Variants in ERICH1 observed in about 807,000 individuals in gnomAD.
The protein encoded by ERICH1 is glutamate rich 1, also known as glutamate-rich protein 1.
Under a neutral mutation model 39.6 loss-of-function variants are expected in ERICH1, and 56 were observed. The observed-to-expected ratio is 1.41, with a 90% CI of 1.14 to 1.77. ERICH1 has a LOEUF of 1.77. Among genes scored for constraint, ERICH1 ranks in the 40% most tolerant of loss-of-function variants. The probability of loss-of-function intolerance (pLI) is 0.00; values close to 1 mark genes in which losing one functional copy is unlikely to be tolerated. For missense variants in ERICH1, 826 were observed against 575.4 expected (o/e 1.44, Z -4.45); for synonymous variants, 313 against 223.6 (o/e 1.40, Z -3.57).
chr8:674,646 T>C (rs1804254490), intron 3 of ERICH1, among the ~76,000 whole-genome samples: 1 of 152,218 alleles, frequency 6.6e-6, no homozygotes, highest in Non-Finnish European at 1.5e-5. Context: ...CTATGGGCCT[T>C]TCCCTCTATG....
chr8:638,584 G>A (rs903901310), intron 3 of ERICH1, among the ~76,000 whole-genome samples: 1 of 152,132 alleles, frequency 6.6e-6, no homozygotes, highest in Non-Finnish European at 1.5e-5. Context: ...GCAGGATCTC[G>A]CTTAAATACA....
intron 2 of ERICH1, among the ~76,000 whole-genome samples, chr8:698,202 A>G (rs1375654546): frequency 2.7e-5 from 4 of 148,188 alleles, no homozygotes; most frequent in African/African-American, 7.4e-5. Flanking sequence ...CAGAAAGGCC[A>G]TCCTAAATCA....
In ERICH1 at chr8:647,928, C is replaced by T. The variant is rs1193228070; in HGVS notation, c.976+20670G>A. ...GCTGAAGTTACATGGCTGTGTGCGC[C>T]TGCAAGTTAAAACTCACTGCATCAG... On this transcript the variant is annotated intron_variant, in intron 3 of 3. Coordinates refer to the ERICH1 transcript ENST00000522706. 2.5e-4 allele frequency among the ~76,000 whole-genome samples: 17 copies of T among 67,616 alleles called. 6 individuals carry two copies. The highest frequency in any genetic ancestry group is 2.1e-3 in the Admixed American group (17 of 8,020). 44.4% of individuals were successfully genotyped at this position (67,616 alleles called of 152,430 possible). A position where few individuals can be genotyped will look rare whatever the true frequency, so the allele number is the denominator to read the frequency against.
chr8:708,931 G>A (rs570944907), intron 2 of ERICH1, among the ~76,000 whole-genome samples: 1 of 152,086 alleles, frequency 6.6e-6, no homozygotes, highest in African/African-American at 2.4e-5. Flanking sequence ...CTAAGCTCAA[G>A]TGATCCACCC....
At chr8:726,437 G>A (rs546077436) in intron 1 of ERICH1, among the ~76,000 whole-genome samples, 1 of 151,614 alleles carries the variant, frequency 6.6e-6, no homozygotes, top group South Asian at 2.1e-4. Context: ...AGGCAGACAC[G>A]TGTACACAGG....
chr8:726,954 CACAT>C (rs1370467664), intron 1 of ERICH1, among the ~76,000 whole-genome samples: 6,934 of 148,508 alleles, frequency 0.047, 650 homozygotes, highest in African/African-American at 0.17. Context: ...ACCACACAGG[CACAT>C]ACACATGCAC....
At chr8:664,835 T>C (rs1801947995) in intron 5 of ERICH1, among the ~76,000 whole-genome samples, 159 bp from the exon 6 acceptor site, 1 of 152,218 alleles carries the variant, frequency 6.6e-6, no homozygotes, top group Non-Finnish European at 1.5e-5. Flanking sequence ...AAGTGACACA[T>C]TATACTTGTT....
At chr8:729,846 G>T (rs191790294) in intron 1 of ERICH1, among the ~76,000 whole-genome samples, 109 of 152,202 alleles carry the variant, frequency 7.2e-4, no homozygotes, top group Non-Finnish European at 1.2e-3. Context: ...GTACATTACA[G>T]ATGCTATAAT....
chr8:652,618 T>C (rs922630214), intron 3 of ERICH1, among the ~76,000 whole-genome samples: 2 of 152,206 alleles, frequency 1.3e-5, no homozygotes, highest in Non-Finnish European at 2.9e-5. Flanking sequence ...ATTGGTGTAG[T>C]TGTCTTAGGC....
At chr8:665,525 C>T (rs1802073965) in intron 5 of ERICH1, among the ~76,000 whole-genome samples, 1 of 152,186 alleles carries the variant, frequency 6.6e-6, no homozygotes, top group Admixed American at 6.5e-5. Flanking sequence ...TCCATCCCGC[C>T]CAGGGGCAAG....
At chr8:668,429 G>C in intron 5 of ERICH1, 169 bp downstream of exon 5, 2 of 643,088 alleles carry the variant, frequency 3.1e-6, no homozygotes, top group South Asian at 3.9e-5. Flanking sequence ...TTTATATCAA[G>C]CAGAGATGCA....
At chr8:700,697 G>GTTTCC (rs1361688203) in intron 2 of ERICH1, among the ~76,000 whole-genome samples, 23 of 118,286 alleles carry the variant, frequency 1.9e-4, no homozygotes, top group Non-Finnish European at 3.6e-4. Flanking sequence ...GTGGCTGCTC[G>GTTTCC]GAAAAGGTGC....
At chr8:628,553 T>C (rs1256626179) in intron 3 of ERICH1, among the ~76,000 whole-genome samples, 3 of 152,192 alleles carry the variant, frequency 2.0e-5, no homozygotes, top group Non-Finnish European at 2.9e-5. Flanking sequence ...GGGAGGGGCA[T>C]GGGACCCGAG....
At position 664,520 on chromosome 8, in the gene ERICH1, G is replaced by C; in HGVS notation, c.*83C>G. 2.1e-6 allele frequency: 3 copies of C among 1,449,082 alleles called. No individual in the cohort carries two copies. Among genetic ancestry groups the C allele is most frequent in the Non-Finnish European group, 9.1e-7 (1 of 1,096,296 alleles). The allele number at this position is 1,449,082 out of a possible 1,614,324, so 89.8% of individuals were successfully genotyped here. A position where few individuals can be genotyped will look rare whatever the true frequency, so the allele number is the denominator to read the frequency against. ...GGCATAAATGTCTTTCAAGTTCCCA[G>C]AGAACTAACTCTAAGCCCATCTCAC... On this transcript the variant is annotated 3_prime_UTR_variant, in exon 6 of 6. Transcript: ENST00000262109.
At chr8:678,513 C>A (rs968759430) in intron 3 of ERICH1, among the ~76,000 whole-genome samples, 2 of 152,204 alleles carry the variant, frequency 1.3e-5, no homozygotes, top group Non-Finnish European at 2.9e-5. Flanking sequence ...AAAAGAACTT[C>A]AGGCTTAGAT....
chr8:616,593 CAGAG>C (rs1391887779), intron 3 of ERICH1: 3 of 454,264 alleles, frequency 6.6e-6, no homozygotes, highest in African/African-American at 4.1e-5. Context: ...TGGAGAGAGA[CAGAG>C]AGAGAATAAG....
intron 3 of ERICH1, among the ~76,000 whole-genome samples, chr8:637,218 G>C (rs932825966): frequency 2.0e-5 from 3 of 152,222 alleles, no homozygotes; most frequent in Non-Finnish European, 4.4e-5. Flanking sequence ...CTCATTCTGT[G>C]AAACACCCGG....
intron 4 of ERICH1, 59 bp downstream of exon 4, chr8:673,230 C>T: frequency 2.0e-6 from 3 of 1,507,788 alleles, no homozygotes; most frequent in Non-Finnish European, 1.8e-6. Context: ...ATATTTGTTT[C>T]TTTTAATAAA....
chr8:624,511 G>T (rs771914813), intron 3 of ERICH1, among the ~76,000 whole-genome samples: 2 of 152,144 alleles, frequency 1.3e-5, no homozygotes, highest in Non-Finnish European at 2.9e-5. Flanking sequence ...CTGCTATAAA[G>T]AACTACCTAA....
Sources: gnomAD v4.1 joint callset for allele counts (sites outside exome capture counted in the v4.1 genomes callset) on GRCh38, gnomAD v4.1.1 for gene constraint, MANE v1.5 for transcripts, NCBI Gene and HGNC (gene_info 2026-07-23, HGNC 2026-07-21) for gene names.